Variants in SLC24A2 observed in about 807,000 individuals in gnomAD.
SLC24A2 encodes sodium/potassium/calcium exchanger 2.
A neutral mutation model predicts 62.0 loss-of-function variants in SLC24A2; 36 were observed. The ratio of observed to expected loss-of-function variants is 0.58; its 90% CI spans 0.44 to 0.77. The LOEUF (loss-of-function observed/expected upper bound fraction) is 0.77, where lower values mean the gene tolerates loss of function less well. Ranked by LOEUF, SLC24A2 falls within the 30% of genes least tolerant of loss-of-function variation. SLC24A2 has a pLI of 0.00. For missense variants in SLC24A2, 846 were observed against 817.9 expected, an observed-to-expected ratio of 1.03 and a Z score of -0.42; for synonymous variants, 358 against 294.0, an observed-to-expected ratio of 1.22 and a Z score of -2.23.
At chr9:19,948,996 A>ATTT in the SLC24A2 span, among the ~76,000 whole-genome samples, 244 of 151,474 alleles carry the variant, frequency 1.6e-3, 6 homozygotes, top group East Asian at 0.046. Context: ...TTATTTATTT[A>ATTT]ATTAATTTTA....
At chr9:20,112,984 G>A in the SLC24A2 span, among the ~76,000 whole-genome samples, 1 of 152,130 alleles carries the variant, frequency 6.6e-6, no homozygotes. Context: ...AGTGAAGCAA[G>A]TAATTCTGGG....
At chr9:20,205,649 TAAAAAA>T in the SLC24A2 span, among the ~76,000 whole-genome samples, 1 of 65,342 alleles carries the variant, frequency 1.5e-5, no homozygotes, top group South Asian at 6.0e-4. Context: ...AGACTCCATC[TAAAAAA>T]AAAAAAAAAA....
chr9:20,239,095 G>A, the SLC24A2 span, among the ~76,000 whole-genome samples: 1 of 152,174 alleles, frequency 6.6e-6, no homozygotes, highest in African/African-American at 2.4e-5. Flanking sequence ...CTCAGTCTGT[G>A]GCATTGTTAC....
chr9:19,813,957 A>G, the SLC24A2 span, among the ~76,000 whole-genome samples: 1 of 152,124 alleles, frequency 6.6e-6, no homozygotes, highest in African/African-American at 2.4e-5. Flanking sequence ...TCTATTGTTT[A>G]TTAGCTACCC....
chr9:20,019,155 AAGAG>A, the SLC24A2 span, among the ~76,000 whole-genome samples: 3 of 117,088 alleles, frequency 2.6e-5, no homozygotes, highest in African/African-American at 6.3e-5. Flanking sequence ...GAAAGAAAGA[AAGAG>A]AGAGAGACAG....
the SLC24A2 span, among the ~76,000 whole-genome samples, chr9:19,970,811 C>T: frequency 2.6e-5 from 4 of 152,034 alleles, no homozygotes; most frequent in Non-Finnish European, 1.5e-5. Context: ...AAATGAAATC[C>T]TAGAGTATAT....
chr9:19,547,932 G>A (rs1834664180), intron 8 of SLC24A2, among the ~76,000 whole-genome samples: 1 of 151,718 alleles, frequency 6.6e-6, no homozygotes, highest in Admixed American at 6.5e-5. Flanking sequence ...CTATTTGGTT[G>A]TGGGTTTTCA....
At chr9:20,263,920 G>C in the SLC24A2 span, among the ~76,000 whole-genome samples, 2 of 131,404 alleles carry the variant, frequency 1.5e-5, no homozygotes, top group Non-Finnish European at 3.1e-5. Flanking sequence ...CATCATGTCT[G>C]GCTGGGCAGA....
chr9:20,149,973 T>C, the SLC24A2 span, among the ~76,000 whole-genome samples: 12 of 152,028 alleles, frequency 7.9e-5, no homozygotes, highest in African/African-American at 2.2e-4. Flanking sequence ...CATGGTAGCA[T>C]TGTCACTTCC....
At chr9:19,733,228 G>C (rs1450759982) in intron 2 of SLC24A2, among the ~76,000 whole-genome samples, 1 of 152,128 alleles carries the variant, frequency 6.6e-6, no homozygotes, top group Non-Finnish European at 1.5e-5. Context: ...TCTGGATTTA[G>C]AATTTTCTTG....
chr9:20,300,852 A>G, the SLC24A2 span, among the ~76,000 whole-genome samples: 2 of 152,214 alleles, frequency 1.3e-5, no homozygotes, highest in South Asian at 4.1e-4. Flanking sequence ...CAGATAATAT[A>G]AAGTGCTGGA....
chr9:20,008,959 A>G, the SLC24A2 span, among the ~76,000 whole-genome samples: 1 of 152,182 alleles, frequency 6.6e-6, no homozygotes, highest in Non-Finnish European at 1.5e-5. Context: ...AATATCCAAG[A>G]ACTCAGGAGT....
the SLC24A2 span, among the ~76,000 whole-genome samples, chr9:20,279,164 G>A: frequency 6.6e-6 from 1 of 152,170 alleles, no homozygotes; most frequent in Non-Finnish European, 1.5e-5. Context: ...CATGACACAT[G>A]GGGATTATGG....
the SLC24A2 span, among the ~76,000 whole-genome samples, chr9:19,952,312 C>T: frequency 3.0e-3 from 462 of 152,142 alleles, 4 homozygotes; most frequent in Middle Eastern, 0.031. Context: ...ATTCATTTCT[C>T]TTGCCTTATT....
chr9:19,969,088 C>A, the SLC24A2 span, among the ~76,000 whole-genome samples: 4 of 151,862 alleles, frequency 2.6e-5, 1 homozygote, highest in African/African-American at 7.2e-5. Flanking sequence ...AGCTTTCTTT[C>A]AGCTTCTCTA....
At chr9:19,593,970 A>C (rs904557330) in intron 5 of SLC24A2, among the ~76,000 whole-genome samples, 4 of 152,178 alleles carry the variant, frequency 2.6e-5, no homozygotes, top group African/African-American at 9.7e-5. Context: ...CACTGCACCC[A>C]GCAGTGGGAG....
chr9:19,954,769 T>G, the SLC24A2 span, among the ~76,000 whole-genome samples: 18 of 152,240 alleles, frequency 1.2e-4, no homozygotes, highest in African/African-American at 4.3e-4. Flanking sequence ...CCTACATTCT[T>G]CTGAGAGGTG....
At chr9:19,564,212 A>AGATG (rs76223380) in intron 7 of SLC24A2, among the ~76,000 whole-genome samples, 1 of 151,908 alleles carries the variant, frequency 6.6e-6, no homozygotes, top group Non-Finnish European at 1.5e-5. Context: ...GTAGGAAGAT[A>AGATG]TTTTTGAGCA....
chr9:19,737,165 G>A (rs976299796), intron 2 of SLC24A2, among the ~76,000 whole-genome samples: 1 of 152,122 alleles, frequency 6.6e-6, no homozygotes, highest in Admixed American at 6.5e-5. Context: ...GCCCATTTGC[G>A]GGGACAGGGG....
Sources: allele counts gnomAD v4.1 joint callset (sites outside exome capture counted in the v4.1 genomes callset), GRCh38; gene constraint gnomAD v4.1.1; transcripts MANE v1.5; gene names NCBI Gene and HGNC (gene_info 2026-07-23, HGNC 2026-07-21).